The following OR7C1 variants were observed in gnomAD, a reference collection of about 807,000 sequenced individuals.
OR7C1 encodes olfactory receptor family 7 subfamily C member 1.
For synonymous variants in OR7C1, 152 were observed against 160.7 expected (o/e 0.95, Z 0.41); for missense variants, 324 against 383.3 (o/e 0.85, Z 1.29).
chr19:14,821,340 G>A (rs954320838), intron 1 of OR7C1: 15 of 152,234 alleles, frequency 9.9e-5, no homozygotes, highest in African/African-American at 3.6e-4. Flanking sequence ...ATTCTGTAAT[G>A]AGGCAAGTGG....
exon 5 of OR7C1, chr19:14,799,502 G>A: frequency 6.2e-7 from 1 of 1,614,178 alleles, no homozygotes. Flanking sequence ...AAATATTCCA[G>A]TGAAGGAAAT....
chr19:14,834,457 C>T (rs899978134), intron 1 of OR7C1, among the ~76,000 whole-genome samples: 4 of 152,266 alleles, frequency 2.6e-5, no homozygotes, highest in Admixed American at 6.5e-5. Flanking sequence ...GCCTAAACAA[C>T]ACACAAATAT....
At chr19:14,822,019 C>T (rs1489103815) in intron 1 of OR7C1, among the ~76,000 whole-genome samples, 1 of 152,170 alleles carries the variant, frequency 6.6e-6, no homozygotes, top group African/African-American at 2.4e-5. Context: ...TCCGTGTGGT[C>T]ACAAATGACA....
rs577719695 is a variant in OR7C1, at chr19:14,800,939, C to T, written c.-434-175G>A. Among the ~76,000 whole-genome samples, 102 of 152,320 alleles carry T rather than the reference C, an allele frequency of 6.7e-4. 3 individuals carry two copies. In the South Asian group the frequency reaches 0.012, roughly 19 times the overall value. The stretch of plus-strand genomic sequence containing the variant: ...TCACCACCAGCCTGTCCTTTCCTCT[C>T]GGAGACCCTTTTCTCTATGGAGAGA... On this transcript the variant is annotated intron_variant, in intron 2 of 4. Coordinates refer to ENST00000641666, the Ensembl canonical transcript of OR7C1.
At chr19:14,813,371 C>T (rs528528421) in intron 1 of OR7C1, among the ~76,000 whole-genome samples, 15 of 151,752 alleles carry the variant, frequency 9.9e-5, no homozygotes, top group African/African-American at 2.2e-4. Flanking sequence ...TGATCTAACT[C>T]GGTGAAACCC....
chr19:14,829,963 A>G (rs1294265900), intron 1 of OR7C1, among the ~76,000 whole-genome samples: 1 of 152,142 alleles, frequency 6.6e-6, no homozygotes, highest in East Asian at 1.9e-4. Flanking sequence ...CCCAGGCTCA[A>G]GCCATCCTCC....
chr19:14,814,572 CA>C (rs1321574516), intron 1 of OR7C1, among the ~76,000 whole-genome samples: 1 of 152,032 alleles, frequency 6.6e-6, no homozygotes, highest in African/African-American at 2.4e-5. Context: ...TAAAGGCACC[CA>C]CCACCATGCC....
chr19:14,821,195 G>A (rs2044739641), intron 1 of OR7C1, among the ~76,000 whole-genome samples: 1 of 152,084 alleles, frequency 6.6e-6, no homozygotes, highest in African/African-American at 2.4e-5. Flanking sequence ...CTGAGATCGC[G>A]CCATTGCACT....
chr19:14,827,878 G>T, intron 1 of OR7C1: 1 of 1,614,168 alleles, frequency 6.2e-7, no homozygotes, highest in African/African-American at 1.3e-5. Flanking sequence ...GCCACAAACC[G>T]GTCATAGGCC....
exon 5 of OR7C1, chr19:14,799,626 C>T (rs10415312): frequency 0.92 from 1,483,613 of 1,614,044 alleles, 682,648 homozygotes; most frequent in East Asian, 1. Context: ...ATTTCCATTT[C>T]GGTGCAGAAG....
intron 2 of OR7C1, among the ~76,000 whole-genome samples, chr19:14,809,155 C>T (rs529818194): frequency 5.4e-4 from 82 of 152,036 alleles, no homozygotes; most frequent in Admixed American, 1.5e-3. Context: ...TCCTTAAACT[C>T]ACTGTTGTGC....
At chr19:14,825,991 C>A (rs544283631) in intron 1 of OR7C1, 129 of 152,128 alleles carry the variant, frequency 8.5e-4, no homozygotes, top group African/African-American at 3.0e-3. Flanking sequence ...ATTCATGATT[C>A]CCTGGATACT....
intron 2 of OR7C1, among the ~76,000 whole-genome samples, chr19:14,805,617 T>C (rs755060090): frequency 4.0e-5 from 6 of 151,558 alleles, no homozygotes; most frequent in Non-Finnish European, 7.4e-5. Flanking sequence ...AGTTTTGCCA[T>C]GTGCCCAGGC....
intron 1 of OR7C1, among the ~76,000 whole-genome samples, chr19:14,833,219 C>T (rs1780917848): frequency 6.6e-6 from 1 of 152,238 alleles, no homozygotes; most frequent in Non-Finnish European, 1.5e-5. Flanking sequence ...TGGCTCATGC[C>T]TGTAATCCCA....
At chr19:14,802,459 G>A (rs2147645216) in intron 2 of OR7C1, among the ~76,000 whole-genome samples, 1 of 152,354 alleles carries the variant, frequency 6.6e-6, no homozygotes, top group East Asian at 1.9e-4. Context: ...GGCGGAGGTT[G>A]CAGTGAGCCG....
chr19:14,801,847 T>G (rs2044643506), intron 2 of OR7C1, among the ~76,000 whole-genome samples: 1 of 152,108 alleles, frequency 6.6e-6, no homozygotes, highest in Non-Finnish European at 1.5e-5. Context: ...AACAACCAGA[T>G]TTCATGAGAA....
At chr19:14,826,732 A>C (rs1224311014) in intron 1 of OR7C1, 1 of 152,282 alleles carries the variant, frequency 6.6e-6, no homozygotes, top group Non-Finnish European at 1.5e-5. Flanking sequence ...GCCTTACCGT[A>C]CTATGCCAGG....
At position 14,806,418 on chromosome 19, in the gene OR7C1, A is replaced by G. The variant is rs1490918968; in HGVS notation, c.-435+3388T>C. 1.3e-5 allele frequency among the ~76,000 whole-genome samples: 2 copies of G among 151,926 alleles called. 1 individual carries two copies. Among genetic ancestry groups the G allele is most frequent in the African/African-American group, 4.9e-5 (2 of 41,214 alleles). Reference sequence around the variant, plus strand: ...TTAAGTTCCAGGATACATGTACAGGACATGCAGATTTGTTACACAGGTAAA... The same window carrying G: ...TTAAGTTCCAGGATACATGTACAGGGCATGCAGATTTGTTACACAGGTAAA... On this transcript the variant is annotated intron_variant, in intron 2 of 4. Transcript: ENST00000641666.
intron 1 of OR7C1, among the ~76,000 whole-genome samples, chr19:14,833,293 A>C (rs1453312837): frequency 6.6e-6 from 1 of 152,246 alleles, no homozygotes. Flanking sequence ...AGCCTGGGCA[A>C]TATGGCGAAA....
Sources: allele counts gnomAD v4.1 joint callset (sites outside exome capture counted in the v4.1 genomes callset), GRCh38; gene constraint gnomAD v4.1.1; transcripts MANE v1.5; gene names NCBI Gene and HGNC (gene_info 2026-07-23, HGNC 2026-07-21).